PIK3C2B: variants seen among roughly 807,000 people sequenced by gnomAD.
The protein encoded by PIK3C2B is phosphatidylinositol 4-phosphate 3-kinase C2 domain-containing subunit beta.
Under a neutral mutation model 184.3 loss-of-function variants are expected in PIK3C2B, and 83 were observed. The ratio of observed to expected loss-of-function variants is 0.45; its 90% CI spans 0.38 to 0.54. The LOEUF is 0.54. Ranked by LOEUF, PIK3C2B falls within the 20% of genes least tolerant of loss-of-function variation. PIK3C2B has a pLI of 0.00. For missense variants in PIK3C2B, 1,736 were observed against 2,113.5 expected (o/e 0.82, Z 3.50); for synonymous variants, 779 against 837.6 (o/e 0.93, Z 1.21).
intron 1 of PIK3C2B, among the ~76,000 whole-genome samples, chr1:204,491,217 G>GTC (rs1037701076): frequency 9.9e-5 from 15 of 150,758 alleles, no homozygotes; most frequent in African/African-American, 3.7e-4. Flanking sequence ...GTGAAACCCT[G>GTC]TCTCTACTAA....
chr1:204,429,778 C>T, intron 29 of PIK3C2B, 143 bp downstream of exon 29: 1 of 649,352 alleles, frequency 1.5e-6, no homozygotes, highest in Non-Finnish European at 2.8e-6. Context: ...CTTCTGCAGA[C>T]TGGAGCATTG....
Position 204,450,028 on chromosome 1 carries a change from C to T in PIK3C2B, c.2067-11G>A. On this transcript the variant is annotated splice_polypyrimidine_tract_variant and intron_variant, in intron 12 of 32. Transcript: ENST00000684373. ...ACTGGGAAGCAGATCCTATGGAGGACAGGAAGTCAAATTAGGAGGGGCCAC... is the reference window on the plus strand; with the variant it reads ...ACTGGGAAGCAGATCCTATGGAGGATAGGAAGTCAAATTAGGAGGGGCCAC... 3.2e-6 allele frequency: 5 copies of T among 1,540,710 alleles called. No homozygotes were observed. The highest frequency in any genetic ancestry group is 4.4e-6 in the Non-Finnish European group (5 of 1,140,262).
intron 1 of PIK3C2B, among the ~76,000 whole-genome samples, chr1:204,480,039 A>G (rs1349116811): frequency 6.6e-6 from 1 of 152,078 alleles, no homozygotes; most frequent in African/African-American, 2.4e-5. Flanking sequence ...GGGCTAACCC[A>G]TCCAGGTCTG....
chr1:204,452,751 C>A (rs1336756140), intron 12 of PIK3C2B, among the ~76,000 whole-genome samples: 1 of 149,680 alleles, frequency 6.7e-6, no homozygotes, highest in Non-Finnish European at 1.5e-5. Flanking sequence ...ACCTCCCAGG[C>A]TCAAGTGACT....
intron 7 of PIK3C2B, 110 bp downstream of exon 7, chr1:204,460,212 CCT>C: frequency 2.3e-6 from 2 of 868,702 alleles, no homozygotes; most frequent in East Asian, 2.5e-5. Flanking sequence ...GGCCCCAACC[CCT>C]GACACCTGCA....
rs761894260 is a variant in PIK3C2B, at chr1:204,457,763, G to T, written c.1678C>A (p.Pro560Thr). The change falls in exon 9 of 33, where the codon CCC (proline) becomes ACC (threonine). Residue 560 changes from proline to threonine, a missense_variant. Physicochemically the swap from Pro to Thr is conservative, Grantham distance 38. Coordinates refer to ENST00000684373, the MANE Select transcript of PIK3C2B (RefSeq NM_001377334.1). The stretch of plus-strand genomic sequence containing the variant: ...TTAGGCTGCATGCGGGAGGGGCAGG[G>T]GGGCAGCTGGTTGAGAGCACTGGTG... ...EITSALNQLPPCPSRMQPKIQ... is the reference protein window; with the variant it reads ...EITSALNQLPTCPSRMQPKIQ... 1 of 1,612,686 alleles carries T rather than the reference G, an allele frequency of 6.2e-7. No homozygotes were observed. The highest frequency in any genetic ancestry group is 1.1e-5 in the South Asian group (1 of 90,736).
At chr1:204,485,445 T>C (rs990123179) in intron 1 of PIK3C2B, among the ~76,000 whole-genome samples, 5 of 152,180 alleles carry the variant, frequency 3.3e-5, no homozygotes, top group African/African-American at 1.2e-4. Flanking sequence ...ATTATTCCTT[T>C]TTCTCACCTG....
In PIK3C2B at chr1:204,442,054, A is replaced by G. The variant is rs112794825; in HGVS notation, c.3156+472T>C. ...GACTTCATCCCCAACATCATCAGAG[A>G]AAGACACCTGCCTAGCCGCCCAACC... On this transcript the variant is annotated intron_variant, in intron 20 of 32. Transcript: ENST00000684373. Among the ~76,000 whole-genome samples, 4 of 152,254 alleles carry G rather than the reference A, an allele frequency of 2.6e-5. 1 individual carries two copies. Among genetic ancestry groups the G allele is most frequent in the African/African-American group, 9.6e-5 (4 of 41,544 alleles).
At chr1:204,463,499 C>G (rs1202615542) in intron 5 of PIK3C2B, among the ~76,000 whole-genome samples, 2 of 152,080 alleles carry the variant, frequency 1.3e-5, no homozygotes, top group Non-Finnish European at 2.9e-5. Context: ...TGGAGGCACG[C>G]CTTTGGGAGG....
At chr1:204,456,903 CACACCCACA>C (rs1572346693) in intron 10 of PIK3C2B, 125 bp downstream of exon 10, 4,072 of 160,582 alleles carry the variant, frequency 0.025, 117 homozygotes, top group African/African-American at 0.11. Context: ...CACACACACA[CACACCCACA>C]CACACACACA....
In PIK3C2B at chr1:204,424,606, T is replaced by C. The variant is rs1440936507; in HGVS notation, c.*246A>G. ...TTGACACAAGGTAAACTTAAAACTT[T>C]GCTGCAACCTCACAGCCTCCAAGGG... is the stretch of plus-strand genomic sequence containing the variant. On this transcript the variant is annotated 3_prime_UTR_variant, in exon 33 of 33. Transcript: ENST00000684373. The C allele has an allele frequency of 1.4e-6, 1 of 694,466 alleles. No homozygotes were observed. The highest frequency in any genetic ancestry group is 1.7e-5 in the African/African-American group (1 of 57,424). The allele number at this position is 694,466 out of a possible 1,614,324, so 43.0% of individuals were successfully genotyped here.
chr1:204,486,808 G>A (rs1657634565), intron 1 of PIK3C2B, among the ~76,000 whole-genome samples: 1 of 151,954 alleles, frequency 6.6e-6, no homozygotes, highest in South Asian at 2.1e-4. Flanking sequence ...TTTTTTGTTT[G>A]GTTTTTTGTT....
At chr1:204,467,863 C>T (rs2103514090) in intron 2 of PIK3C2B, among the ~76,000 whole-genome samples, 1 of 136,916 alleles carries the variant, frequency 7.3e-6, no homozygotes, top group East Asian at 2.1e-4. Context: ...AGGCATCAGC[C>T]ATGGGGGTGT....
In PIK3C2B at chr1:204,469,315, G is replaced by A. The variant is rs370043666; in HGVS notation, c.488C>T (p.Ala163Val). The change falls in exon 2 of 33, where the codon GCT becomes GTT. Residue 163 changes from alanine to valine, a missense_variant. Physicochemically the swap from Ala to Val is moderately conservative, Grantham distance 64 (BLOSUM62 0). This residue lies in a region of PIK3C2B where 404 missense variants were observed against 418.0 expected (regional missense o/e 0.97). Transcript: ENST00000684373. ...KLSPPPLPPR[A>V]SIWDTPPLPP... is the part of the protein sequence containing the mutation. ...CAGGGGAGGGGTATCCCAGATAGAA[G>A]CTCGGGGAGGCAGAGGAGGTGGGGA... 29 of 1,532,238 alleles carry A rather than the reference G, an allele frequency of 1.9e-5. No individual in the cohort carries two copies. The African/African-American group carries it at 3.6e-4, about 19-fold the overall frequency. The allele number at this position is 1,532,238 out of a possible 1,614,324, so 94.9% of individuals were successfully genotyped here. A position where few individuals can be genotyped will look rare whatever the true frequency, so the allele number is the denominator to read the frequency against.
At chr1:204,432,145 C>A in intron 27 of PIK3C2B, 55 bp downstream of exon 27, 1 of 1,523,364 alleles carries the variant, frequency 6.6e-7, no homozygotes, top group Non-Finnish European at 9.1e-7. Flanking sequence ...AGGATCCCAG[C>A]AAGCCAGGGT....
chr1:204,483,222 G>A (rs1657326481), intron 1 of PIK3C2B, among the ~76,000 whole-genome samples: 1 of 152,080 alleles, frequency 6.6e-6, no homozygotes, highest in Admixed American at 6.6e-5. Context: ...AGAAGTTTGA[G>A]GCCAGCCTGG....
At chr1:204,493,359 C>G (rs1381843358) in intron 1 of PIK3C2B, among the ~76,000 whole-genome samples, 1 of 151,926 alleles carries the variant, frequency 6.6e-6, no homozygotes. Flanking sequence ...GTACAAAACT[C>G]TCCAACAGAG....
Position 204,457,087 on chromosome 1 carries a change from G to A in PIK3C2B, c.1714-17C>T. On this transcript the variant is annotated splice_polypyrimidine_tract_variant and intron_variant, in intron 9 of 32. Coordinates refer to ENST00000684373, the MANE Select transcript of PIK3C2B (RefSeq NM_001377334.1). The stretch of plus-strand genomic sequence containing the variant: ...ACTGGGATCCTGTTGGGAAAAAGAA[G>A]AGGGAGGGGAGCTTCAGGGCCATAG... 6.4e-7 allele frequency: 1 copy of A among 1,559,046 alleles called. No homozygotes were observed. Among genetic ancestry groups the A allele is most frequent in the Non-Finnish European group, 8.7e-7 (1 of 1,150,126 alleles).
At chr1:204,438,529 G>C (rs1035190657) in intron 23 of PIK3C2B, among the ~76,000 whole-genome samples, 1 of 152,198 alleles carries the variant, frequency 6.6e-6, no homozygotes, top group Non-Finnish European at 1.5e-5. Flanking sequence ...AAAAGAAGGG[G>C]CTGGCATAAA....
Sources: gnomAD v4.1 joint callset for allele counts (sites outside exome capture counted in the v4.1 genomes callset) on GRCh38, gnomAD v4.1.1 for gene constraint, gnomAD v4.1.1 regional missense constraint, MANE v1.5 for transcripts, NCBI Gene and HGNC (gene_info 2026-07-23, HGNC 2026-07-21) for gene names.